Variants in GABRG3 observed in about 807,000 individuals in gnomAD.
GABRG3 encodes the protein gamma-aminobutyric acid receptor subunit gamma-3.
A neutral mutation model predicts 48.8 loss-of-function variants in GABRG3; 25 were observed. That is an observed-to-expected ratio of 0.51 (90% CI 0.37 to 0.72). The LOEUF (loss-of-function observed/expected upper bound fraction) is 0.72, where lower values mean the gene tolerates loss of function less well. Ranked by LOEUF, GABRG3 falls within the 30% of genes least tolerant of loss-of-function variation. GABRG3 has a pLI of 0.00. For synonymous variants in GABRG3, 227 were observed against 217.6 expected (o/e 1.04, Z -0.38); for missense variants, 394 against 577.9 (o/e 0.68, Z 3.26).
intron 3 of GABRG3, among the ~76,000 whole-genome samples, chr15:27,287,825 G>T (rs8033400): frequency 0.1 from 14,890 of 146,856 alleles, 2,468 homozygotes; most frequent in African/African-American, 0.35. Context: ...TGCAAGCTCC[G>T]CCTCCTGGGT....
At chr15:27,420,540 C>T (rs144254617) in intron 5 of GABRG3, 41 of 152,120 alleles carry the variant, frequency 2.7e-4, no homozygotes, top group African/African-American at 8.7e-4. Context: ...GAGTTCTCAC[C>T]GCACACACAA....
At chr15:27,256,329 T>C (rs112202203) in intron 3 of GABRG3, among the ~76,000 whole-genome samples, 9,204 of 151,546 alleles carry the variant, frequency 0.061, 829 homozygotes, top group African/African-American at 0.2. Flanking sequence ...TAGGCCCAGC[T>C]ACTTGGGAGG....
chr15:27,293,704 G>C (rs902008640), intron 3 of GABRG3, among the ~76,000 whole-genome samples: 20 of 151,216 alleles, frequency 1.3e-4, no homozygotes, highest in African/African-American at 4.6e-4. Context: ...AAAAAAAACA[G>C]AACAAAACTG....
intron 5 of GABRG3, among the ~76,000 whole-genome samples, chr15:27,449,733 A>G (rs1475533957): frequency 6.6e-6 from 1 of 152,250 alleles, no homozygotes; most frequent in Non-Finnish European, 1.5e-5. Flanking sequence ...GTTAATGACA[A>G]TGAAGGCTGA....
In GABRG3 at chr15:27,326,889, T is replaced by G. The variant is rs374105204; in HGVS notation, c.351T>G (p.Thr117=). 6.2e-7 allele frequency: 1 copy of G among 1,614,002 alleles called. No individual in the cohort carries two copies. Among genetic ancestry groups the G allele is most frequent in the Non-Finnish European group, 8.5e-7 (1 of 1,179,884 alleles). The change falls in exon 4 of 10, where the codon ACT becomes ACG. Residue 117 remains threonine (T), a synonymous_variant. Transcript: ENST00000615808. The stretch of plus-strand genomic sequence containing the variant: ...TCAACAGCACAATGAAAATTCTTAC[T>G]CTGAACAGCAACATGGTGGGGTTAA... ...LRFNSTMKIL[T]LNSNMVGLIW...
intron 5 of GABRG3, among the ~76,000 whole-genome samples, chr15:27,455,791 T>C (rs533669864): frequency 1.3e-5 from 2 of 150,460 alleles, no homozygotes; most frequent in Admixed American, 6.6e-5. Flanking sequence ...CATTTGTATA[T>C]ATGTGCATGG....
At chr15:27,016,872 G>T (rs916679433) in intron 2 of GABRG3, among the ~76,000 whole-genome samples, 12 of 152,072 alleles carry the variant, frequency 7.9e-5, no homozygotes, top group Admixed American at 7.9e-4. Flanking sequence ...GATCAAGTCT[G>T]CTATTGAGTA....
chr15:27,226,125 AAGTC>A (rs1307304379), intron 3 of GABRG3, among the ~76,000 whole-genome samples: 1 of 152,036 alleles, frequency 6.6e-6, no homozygotes, highest in Non-Finnish European at 1.5e-5. Flanking sequence ...GAGGGGCTGA[AAGTC>A]AGTAGGGCCC....
chr15:27,280,790 A>T (rs1891407748), intron 3 of GABRG3, among the ~76,000 whole-genome samples: 1 of 152,188 alleles, frequency 6.6e-6, no homozygotes, highest in African/African-American at 2.4e-5. Context: ...GCAAGAAAAT[A>T]ATATCTTTTG....
intron 3 of GABRG3, among the ~76,000 whole-genome samples, chr15:27,132,471 GTTTTTTTTT>G (rs59023766): frequency 1.5e-4 from 6 of 39,594 alleles, no homozygotes; most frequent in Non-Finnish European, 1.9e-4. Flanking sequence ...AGTAGTTACA[GTTTTTTTTT>G]TTTTTTTTTT....
intron 5 of GABRG3, among the ~76,000 whole-genome samples, chr15:27,428,608 G>A (rs937072064): frequency 6.6e-6 from 1 of 151,920 alleles, no homozygotes. Context: ...GTAAGAAGCT[G>A]AACTTTTCTT....
Position 27,136,899 on chromosome 15 carries a change from C to G in GABRG3, c.270+110078C>G, listed in dbSNP as rs567354669. ...CTAGGGGGCTCTCTCCTGTCGCCCC[C>G]GCCTCCAGGTCACTCCTTTTATTAA... On this transcript the variant is annotated intron_variant, in intron 3 of 9. Transcript: ENST00000615808. Among the ~76,000 whole-genome samples the G allele has an allele frequency of 2.0e-5, 3 of 152,070 alleles. No individual in the cohort carries two copies. In the South Asian group the frequency reaches 6.2e-4, roughly 32 times the overall value.
intron 5 of GABRG3, among the ~76,000 whole-genome samples, chr15:27,412,449 G>T (rs939455043): frequency 1.3e-5 from 2 of 152,082 alleles, no homozygotes; most frequent in African/African-American, 4.8e-5. Flanking sequence ...TAACCTTTTC[G>T]AATTGGCTTA....
intron 3 of GABRG3, among the ~76,000 whole-genome samples, chr15:27,051,712 A>G (rs1896458613): frequency 6.6e-6 from 1 of 152,200 alleles, no homozygotes; most frequent in Non-Finnish European, 1.5e-5. Flanking sequence ...AGGATGATTC[A>G]AGTGCATTAC....
chr15:27,191,414 T>A (rs1282700784), intron 3 of GABRG3, among the ~76,000 whole-genome samples: 1 of 152,172 alleles, frequency 6.6e-6, no homozygotes, highest in Admixed American at 6.5e-5. Context: ...GCTCCTGTAT[T>A]GGGTGCATAT....
chr15:27,261,400 G>C (rs1890761680), intron 3 of GABRG3, among the ~76,000 whole-genome samples: 2 of 151,856 alleles, frequency 1.3e-5, no homozygotes, highest in South Asian at 2.1e-4. Context: ...TGGAAAGAAT[G>C]AATCTCTCCC....
chr15:27,172,864 TC>T (rs1054504646), intron 3 of GABRG3, among the ~76,000 whole-genome samples: 1 of 152,134 alleles, frequency 6.6e-6, no homozygotes, highest in African/African-American at 2.4e-5. Flanking sequence ...AGCGTCATCG[TC>T]CAGGTCTGTT....
intron 3 of GABRG3, among the ~76,000 whole-genome samples, chr15:27,053,068 A>G (rs1469935861): frequency 6.6e-6 from 1 of 152,252 alleles, no homozygotes; most frequent in African/African-American, 2.4e-5. Context: ...TCCTAGAAGA[A>G]AACCTAGGAA....
At position 26,977,028 on chromosome 15, in the gene GABRG3, A is replaced by G; in HGVS notation, c.80A>G (p.Tyr27Cys). ...ARSRKVEEDE[Y>C]EDSSSNQKWV... is the part of the protein sequence containing the mutation. ...TCCAGAAAGGTGGAAGAGGATGAAT[A>G]TGAAGATTCATCATCAAACCAAAAG... The change falls in exon 2 of 10, where the codon TAT (tyrosine) becomes TGT (cysteine). Residue 27 changes from tyrosine to cysteine, a missense_variant. Physicochemically the swap from Tyr to Cys is radical, Grantham distance 194 (BLOSUM62 -2). This residue lies in a region of GABRG3 where 218 missense variants were observed against 309.9 expected (regional missense o/e 0.70). Transcript: ENST00000615808. 6.2e-7 allele frequency: 1 copy of G among 1,613,920 alleles called. No homozygotes were observed. The highest frequency in any genetic ancestry group is 8.5e-7 in the Non-Finnish European group (1 of 1,179,854).
Sources: allele counts gnomAD v4.1 joint callset (sites outside exome capture counted in the v4.1 genomes callset), GRCh38; gene constraint gnomAD v4.1.1; regional missense constraint gnomAD v4.1.1; transcripts MANE v1.5; gene names NCBI Gene and HGNC (gene_info 2026-07-23, HGNC 2026-07-21).